The following TIMM17B variants were observed in gnomAD, a reference collection of about 807,000 sequenced individuals.
TIMM17B encodes mitochondrial import inner membrane translocase subunit Tim17-B.
In TIMM17B, 10 loss-of-function variants were observed where a neutral mutation model predicts 15.9. That is an observed-to-expected ratio of 0.63 (90% CI 0.39 to 1.06). The LOEUF is 1.06. Ranked by LOEUF, TIMM17B falls within the 50% of genes least tolerant of loss-of-function variation. The pLI is 0.01. For missense variants in TIMM17B, 114 were observed against 152.2 expected (o/e 0.75, Z 1.32); for synonymous variants, 57 against 57.2 (o/e 1.00, Z 0.02).
At chrX:48,894,458 A>G in intron 4 of TIMM17B, among the ~76,000 whole-genome samples, 1 of 111,748 alleles carries the variant, frequency 8.9e-6, no homozygotes, top group African/African-American at 3.3e-5. Context: ...GGGAGTTGAC[A>G]AATGTTTACA....
chrX:48,894,480 C>G (rs987751494), intron 4 of TIMM17B, among the ~76,000 whole-genome samples: 53 of 111,656 alleles, frequency 4.7e-4, no homozygotes, highest in Non-Finnish European at 5.3e-4. Context: ...GCAGATTTAT[C>G]TTCATATGGC....
intron 3 of TIMM17B, chrX:48,895,752 ATTATG>A (rs2063303939): frequency 5.2e-5 from 16 of 310,078 alleles, no homozygotes; most frequent in Admixed American, 1.0e-4. Context: ...GAGAAAAAGA[ATTATG>A]TTAAAAGAAT....
At chrX:48,898,073 G>A in exon 1 of TIMM17B, 2 of 1,033,734 alleles carry the variant, frequency 1.9e-6, no homozygotes, top group Non-Finnish European at 2.5e-6. Context: ...CTACCTGCAC[G>A]AGTGTATTGG....
chrX:48,898,094 G>A (rs2063335945), exon 1 of TIMM17B: 26 of 1,025,945 alleles, frequency 2.5e-5, no homozygotes, highest in Non-Finnish European at 3.2e-5. Flanking sequence ...TAACGTTGGG[G>A]TGGGTGCACT....
In TIMM17B at chrX:48,895,007, TCTC is replaced by T. The variant is rs782359485; in HGVS notation, c.190+28_190+30del. On this transcript the variant is annotated intron_variant, in intron 4 of 6. Transcript: ENST00000376582. Reference sequence around the variant, plus strand: ...AACCACTCCCACCTTTGCCAAGACATCTCCTATATCTATCTCCCCAAGTCCCTC... The same window carrying T: ...AACCACTCCCACCTTTGCCAAGACATCTATATCTATCTCCCCAAGTCCCTC... The T allele has an allele frequency of 3.7e-5, 43 of 1,152,799 alleles. No individual in the cohort carries two copies. The African/African-American group carries it at 7.2e-4, about 19-fold the overall frequency.
At position 48,897,741 on chromosome X, in the gene TIMM17B, C is replaced by T. The variant is rs372540706; in HGVS notation, c.9G>A (p.Glu3=). The T allele has an allele frequency of 4.1e-6, 5 of 1,208,733 alleles. No individual in the cohort carries two copies. In the African/African-American group the frequency reaches 7.0e-5, roughly 17 times the overall value. Residue 3 remains glutamate (E), a synonymous_variant, in exon 2 of 7, where the codon GAG becomes GAA. Transcript: ENST00000376582. ...TGCCGTACCAGGGCTCCCGAGCGTA[C>T]TCCTCCATGGCGCTGGCGTCTGGCC...
intron 1 of TIMM17B, chrX:48,898,049 G>T: frequency 9.6e-7 from 1 of 1,042,222 alleles, no homozygotes; most frequent in Non-Finnish European, 1.2e-6. Flanking sequence ...GACGGGCGGT[G>T]TGACAGCCTT....
At chrX:48,898,122 A>G in exon 1 of TIMM17B, 2 of 1,014,141 alleles carry the variant, frequency 2.0e-6, no homozygotes, top group Non-Finnish European at 2.5e-6. Flanking sequence ...AGCTGGAGGA[A>G]GTGCTGCCCT....
intron 3 of TIMM17B, chrX:48,895,663 T>C (rs1557039356): frequency 7.6e-5 from 30 of 392,580 alleles, no homozygotes; most frequent in Non-Finnish European, 4.4e-6. Context: ...GGGCTACATA[T>C]ATAAATTGCA....
At chrX:48,893,866 G>C in intron 6 of TIMM17B, 34 bp downstream of exon 5, 1 of 1,187,946 alleles carries the variant, frequency 8.4e-7, no homozygotes, top group Non-Finnish European at 1.1e-6. Flanking sequence ...GCCAGGTGGA[G>C]TATTTCCCAC....
chrX:48,897,807 G>T (rs1284738650), exon 2 of TIMM17B: 1 of 1,191,919 alleles, frequency 8.4e-7, no homozygotes, highest in African/African-American at 1.7e-5. Flanking sequence ...GCACACCGGC[G>T]TCGGAGCTTT....
intron 1 of TIMM17B, chrX:48,898,017 A>G: frequency 1.0e-6 from 1 of 1,000,431 alleles, no homozygotes; most frequent in Non-Finnish European, 1.3e-6. Context: ...GGGCCCAGGT[A>G]TCGTAGCGGC....
chrX:48,896,822 G>A, exon 3 of TIMM17B: 1 of 1,210,546 alleles, frequency 8.3e-7, no homozygotes, highest in Non-Finnish European at 1.1e-6. Context: ...CACCCATAGT[G>A]AAGGCTCCAC....
At chrX:48,896,457 C>CA (rs374729794) in intron 3 of TIMM17B, 31,402 of 188,392 alleles carry the variant, frequency 0.17, 8 homozygotes, top group Middle Eastern at 0.21. Flanking sequence ...AAGACTGTCT[C>CA]AAAAAAAAAA....
At chrX:48,897,801 A>T in exon 2 of TIMM17B, 1 of 1,196,755 alleles carries the variant, frequency 8.4e-7, no homozygotes, top group Non-Finnish European at 1.1e-6. Context: ...GTAGACGCAC[A>T]CCGGCGTCGG....
rs782783109 is a variant in TIMM17B, at chrX:48,894,094, C to T, written c.319+3G>A. ...GCTGGGGCCAGGGCCAGGGGTCACT[C>T]ACTGCGGGCAGCCAGCACAGCCCCG... On this transcript the variant is annotated splice_donor_region_variant and intron_variant, in intron 5 of 6. Coordinates refer to ENST00000376582, the Ensembl canonical transcript of TIMM17B. 2.5e-6 allele frequency: 3 copies of T among 1,197,350 alleles called. No individual in the cohort carries two copies. The highest frequency in any genetic ancestry group is 3.6e-5 in the South Asian group (2 of 55,391).
chrX:48,895,969 G>A (rs964384202), intron 3 of TIMM17B: 4 of 112,738 alleles, frequency 3.5e-5, no homozygotes, highest in Admixed American at 1.8e-4. Context: ...TTGAAACCCC[G>A]TCTCTACAAA....
chrX:48,894,927 C>G, intron 4 of TIMM17B, 111 bp downstream of exon 3: 3 of 641,464 alleles, frequency 4.7e-6, no homozygotes, highest in Non-Finnish European at 7.6e-6. Flanking sequence ...CCTAGAAAGT[C>G]TCTGGCAGGG....
rs781925876 is a variant in TIMM17B, at chrX:48,893,878, C to G, written c.430+22G>C. ...GAGGCCAGGTGGAGTATTTCCCACT[C>G]CCCCGACCACCAGTTACTCACCATT... On this transcript the variant is annotated intron_variant, in intron 6 of 6. Coordinates refer to ENST00000376582, the Ensembl canonical transcript of TIMM17B. 43 of 1,190,112 alleles carry G rather than the reference C, an allele frequency of 3.6e-5. No individual in the cohort carries two copies. The South Asian group carries it at 7.8e-4, about 22-fold the overall frequency.
Sources: gnomAD v4.1 joint callset for allele counts (sites outside exome capture counted in the v4.1 genomes callset) on GRCh38, gnomAD v4.1.1 for gene constraint, MANE v1.5 for transcripts, NCBI Gene and HGNC (gene_info 2026-07-23, HGNC 2026-07-21) for gene names.